Variants in GSR observed in about 807,000 individuals in gnomAD.
GSR encodes glutathione-disulfide reductase, also known as glutathione reductase, mitochondrial.
GSR carries 48 observed loss-of-function variants against 56.5 expected under a neutral mutation model. The ratio of observed to expected loss-of-function variants is 0.85; its 90% CI spans 0.67 to 1.08. The LOEUF is 1.08. Among genes scored for constraint, GSR ranks in the 50% least tolerant of loss-of-function variants. The pLI, the probability that GSR is intolerant of heterozygous loss-of-function variation, is 0.00. For missense variants in GSR, 694 were observed against 703.3 expected, an observed-to-expected ratio of 0.99 and a Z score of 0.15; for synonymous variants, 264 against 270.8, an observed-to-expected ratio of 0.97 and a Z score of 0.25.
At chr8:30,694,086 C>T (rs1190019553) in intron 7 of GSR, among the ~76,000 whole-genome samples, 1 of 152,170 alleles carries the variant, frequency 6.6e-6, no homozygotes, top group Non-Finnish European at 1.5e-5. Context: ...CAAAATAATA[C>T]TTACCTATGA....
intron 11 of GSR, among the ~76,000 whole-genome samples, chr8:30,681,462 T>C (rs1586031091): frequency 6.6e-6 from 1 of 151,634 alleles, no homozygotes; most frequent in Non-Finnish European, 1.5e-5. Context: ...GAGGCGGAGG[T>C]TGCAGTGAGC....
At chr8:30,695,026 G>A (rs1803499688) in intron 7 of GSR, among the ~76,000 whole-genome samples, 2 of 151,544 alleles carry the variant, frequency 1.3e-5, no homozygotes, top group Non-Finnish European at 2.9e-5. Flanking sequence ...TCATGCCACT[G>A]TACTGCAGAC....
At chr8:30,710,054 G>A (rs1371386802) in intron 2 of GSR, 152 bp from the exon 3 acceptor site, 25 of 640,502 alleles carry the variant, frequency 3.9e-5, no homozygotes, top group East Asian at 2.4e-4. Context: ...GGCAGCTCAC[G>A]TCTGTAATCC....
chr8:30,723,046 T>C (rs1804600839), intron 1 of GSR, among the ~76,000 whole-genome samples: 5 of 152,150 alleles, frequency 3.3e-5, no homozygotes, highest in Admixed American at 3.3e-4. Context: ...TAAGTACTAC[T>C]CGCCAAAACC....
At chr8:30,724,696 C>T (rs950391118) in intron 1 of GSR, among the ~76,000 whole-genome samples, 3 of 151,896 alleles carry the variant, frequency 2.0e-5, no homozygotes, top group Middle Eastern at 3.2e-3. Context: ...CCACCACACC[C>T]GGCTAATTTT....
chr8:30,716,310 T>C (rs1335028944), intron 1 of GSR, among the ~76,000 whole-genome samples: 1 of 152,216 alleles, frequency 6.6e-6, no homozygotes, highest in African/African-American at 2.4e-5. Flanking sequence ...TGTGGCCTTG[T>C]TGGGCCAGAG....
chr8:30,703,885 A>G (rs1803833271), intron 4 of GSR, among the ~76,000 whole-genome samples: 1 of 151,872 alleles, frequency 6.6e-6, no homozygotes, highest in Non-Finnish European at 1.5e-5. Flanking sequence ...GAAGGAGGAA[A>G]AAGAAGAAGA....
At chr8:30,716,986 C>T (rs922514557) in intron 1 of GSR, among the ~76,000 whole-genome samples, 1 of 152,096 alleles carries the variant, frequency 6.6e-6, no homozygotes, top group African/African-American at 2.4e-5. Flanking sequence ...GCCTGTAATC[C>T]CAGCACTTCG....
chr8:30,705,915 T>C (rs1368417250), intron 4 of GSR, among the ~76,000 whole-genome samples: 4 of 152,190 alleles, frequency 2.6e-5, no homozygotes, highest in South Asian at 2.1e-4. Context: ...AATAAGAATA[T>C]AAAACTGTAC....
intron 9 of GSR, among the ~76,000 whole-genome samples, chr8:30,685,524 A>T (rs558628822): frequency 2.2e-4 from 33 of 152,184 alleles, no homozygotes; most frequent in Non-Finnish European, 4.0e-4. Context: ...ACAAAAACAC[A>T]TATTGATGTT....
At chr8:30,683,199 C>A (rs1803015450) in intron 10 of GSR, among the ~76,000 whole-genome samples, 1 of 152,106 alleles carries the variant, frequency 6.6e-6, no homozygotes, top group Non-Finnish European at 1.5e-5. Context: ...TAGACTCAAG[C>A]GATCCCCCAA....
chr8:30,703,835 GAAAGAAGTTA>G (rs1377623868), intron 4 of GSR, among the ~76,000 whole-genome samples: 1 of 151,072 alleles, frequency 6.6e-6, no homozygotes, highest in Non-Finnish European at 1.5e-5. Context: ...GAGGAAGAAA[GAAAGAAGTTA>G]GAAGAAGGAA....
At chr8:30,715,692 G>A (rs1056108661) in intron 1 of GSR, among the ~76,000 whole-genome samples, 5 of 152,152 alleles carry the variant, frequency 3.3e-5, no homozygotes, top group Admixed American at 3.3e-4. Context: ...GAGATGATTT[G>A]TCTGCTACAT....
rs760496380 is a variant in GSR, at chr8:30,684,199, C to T, written c.1042G>A (p.Gly348Arg). 2.6e-6 allele frequency: 4 copies of T among 1,560,688 alleles called. No individual in the cohort carries two copies. Among genetic ancestry groups the T allele is most frequent in the Non-Finnish European group, 2.7e-6 (3 of 1,131,222 alleles). Residue 348 changes from glycine to arginine, a missense_variant and splice_region_variant, in exon 10 of 13, where the codon GGG becomes AGG. Coordinates refer to ENST00000221130, the MANE Select transcript of GSR (RefSeq NM_000637.5). Reference protein sequence around the residue: ...NTKDLSLNKLGIQTDDKGHII... With the variant: ...NTKDLSLNKLRIQTDDKGHII... The stretch of plus-strand genomic sequence containing the variant: ...TGACCCTTGTCATCGGTTTGAATCC[C>T]CTAAAATTACAAAGAGATATCATGT...
At chr8:30,706,365 T>TG (rs763388424) in intron 4 of GSR, among the ~76,000 whole-genome samples, 1 of 151,454 alleles carries the variant, frequency 6.6e-6, no homozygotes, top group African/African-American at 2.4e-5. Flanking sequence ...TAGGCAGGTG[T>TG]GGGGGCACGT....
chr8:30,684,289 AT>A, intron 9 of GSR, 90 bp from the exon 10 acceptor site: 3 of 802,716 alleles, frequency 3.7e-6, no homozygotes. Flanking sequence ...CTCATTTCAC[AT>A]GGGAACTGCA....
At chr8:30,693,746 C>T (rs1309266130) in intron 7 of GSR, among the ~76,000 whole-genome samples, 6 of 152,174 alleles carry the variant, frequency 3.9e-5, no homozygotes, top group Non-Finnish European at 8.8e-5. Context: ...CCAGGCTGGC[C>T]TCGAACTCCT....
chr8:30,712,921 A>C (rs950651051), intron 1 of GSR, among the ~76,000 whole-genome samples: 1 of 152,274 alleles, frequency 6.6e-6, no homozygotes, highest in Non-Finnish European at 1.5e-5. Context: ...ACAAATGCAC[A>C]GATTATCATG....
In GSR at chr8:30,710,013, C is replaced by T. The variant is rs573669084; in HGVS notation, c.334-111G>A. 31 of 701,044 alleles carry T rather than the reference C, an allele frequency of 4.4e-5. 1 individual carries two copies. The highest frequency in any genetic ancestry group is 4.3e-4 in the Admixed American group (17 of 39,402). The allele number at this position is 701,044 out of a possible 1,614,324, so 43.4% of individuals were successfully genotyped here. On this transcript the variant is annotated intron_variant, in intron 2 of 12. Transcript: ENST00000221130. Reference sequence around the variant, plus strand: ...GGTAACAGCAGATAAAAATACTGCCCTTTAAATTAAAAACAAACCTAGCTG... The same window carrying T: ...GGTAACAGCAGATAAAAATACTGCCTTTTAAATTAAAAACAAACCTAGCTG...
Sources: gnomAD v4.1 joint callset for allele counts (sites outside exome capture counted in the v4.1 genomes callset) on GRCh38, gnomAD v4.1.1 for gene constraint, MANE v1.5 for transcripts, NCBI Gene and HGNC (gene_info 2026-07-23, HGNC 2026-07-21) for gene names.